Variants in PAWR observed in about 807,000 individuals in gnomAD.
PAWR encodes pro-apoptotic WT1 regulator, also known as PRKC apoptosis WT1 regulator protein.
In PAWR, 23 loss-of-function variants were observed where a neutral mutation model predicts 32.0. That is an observed-to-expected ratio of 0.72 (90% confidence interval 0.52 to 1.02). The LOEUF (loss-of-function observed/expected upper bound fraction) is 1.02, where lower values mean the gene tolerates loss of function less well. Among genes scored for constraint, PAWR ranks in the 50% least tolerant of loss-of-function variants. The pLI, the probability that PAWR is intolerant of heterozygous loss-of-function variation, is 0.00. For synonymous variants in PAWR, 226 were observed against 187.1 expected (o/e 1.21, Z -1.70); for missense variants, 457 against 437.7 (o/e 1.04, Z -0.39).
intron 2 of PAWR, among the ~76,000 whole-genome samples, chr12:79,671,823 C>T (rs1015457333): frequency 5.9e-5 from 9 of 152,092 alleles, no homozygotes; most frequent in Non-Finnish European, 1.0e-4. Flanking sequence ...GTCCTAGTTA[C>T]TTGGGAGGCT....
intron 2 of PAWR, among the ~76,000 whole-genome samples, chr12:79,688,172 T>C (rs969882837): frequency 6.6e-6 from 1 of 151,754 alleles, no homozygotes; most frequent in Non-Finnish European, 1.5e-5. Flanking sequence ...AGATGTTTCT[T>C]AGGATCTCAC....
chr12:79,671,388 C>A (rs1030645377), intron 2 of PAWR, among the ~76,000 whole-genome samples: 1 of 152,164 alleles, frequency 6.6e-6, no homozygotes, highest in Non-Finnish European at 1.5e-5. Context: ...ATATTCTGTA[C>A]TAGAAACATA....
intron 2 of PAWR, among the ~76,000 whole-genome samples, chr12:79,634,127 T>C (rs1237618490): frequency 6.6e-6 from 1 of 152,156 alleles, no homozygotes; most frequent in African/African-American, 2.4e-5. Context: ...ACTAAATAAC[T>C]ATAAGTAAAT....
At chr12:79,607,346 C>CATAT (rs1592496412) in intron 4 of PAWR, among the ~76,000 whole-genome samples, 1 of 152,050 alleles carries the variant, frequency 6.6e-6, no homozygotes, top group Non-Finnish European at 1.5e-5. Flanking sequence ...TAGAAAGGGT[C>CATAT]ATATATAGCC....
chr12:79,619,780 T>C (rs1239837407), intron 3 of PAWR, among the ~76,000 whole-genome samples: 1 of 152,228 alleles, frequency 6.6e-6, no homozygotes, highest in Non-Finnish European at 1.5e-5. Context: ...TTCCTTGCAA[T>C]GGGATGGTTT....
intron 4 of PAWR, among the ~76,000 whole-genome samples, chr12:79,600,418 G>A (rs1008768589): frequency 6.6e-6 from 1 of 151,402 alleles, no homozygotes. Context: ...ATTATTTATG[G>A]GACGAGAAGA....
intron 2 of PAWR, among the ~76,000 whole-genome samples, chr12:79,641,614 C>T (rs1035718372): frequency 4.0e-5 from 6 of 151,752 alleles, no homozygotes; most frequent in African/African-American, 9.7e-5. Context: ...TATGGGAGGC[C>T]GAGGTGGGCG....
chr12:79,639,613 C>A (rs1174544982), intron 2 of PAWR, among the ~76,000 whole-genome samples: 1 of 152,090 alleles, frequency 6.6e-6, no homozygotes, highest in East Asian at 1.9e-4. Context: ...CCCATATATT[C>A]CTCTAAAAAT....
At chr12:79,653,768 T>C (rs1876968385) in intron 2 of PAWR, among the ~76,000 whole-genome samples, 2 of 152,246 alleles carry the variant, frequency 1.3e-5, no homozygotes, top group Admixed American at 1.3e-4. Context: ...CGTGAGCCAC[T>C]GCACCTGCCC....
chr12:79,638,088 T>TATGG (rs932393821), intron 2 of PAWR, among the ~76,000 whole-genome samples: 4 of 152,032 alleles, frequency 2.6e-5, no homozygotes, highest in African/African-American at 9.7e-5. Flanking sequence ...CTCTAATTTT[T>TATGG]ATGGCTCTTT....
At chr12:79,644,232 T>C (rs546007094) in intron 2 of PAWR, among the ~76,000 whole-genome samples, 20 of 152,270 alleles carry the variant, frequency 1.3e-4, no homozygotes, top group African/African-American at 3.6e-4. Flanking sequence ...ACAAGACTTT[T>C]ATAAGAAAGA....
In PAWR at chr12:79,669,738, GGTTT is replaced by G. The variant is rs557840011; in HGVS notation, c.516+19987_516+19990del. On this transcript the variant is annotated intron_variant, in intron 2 of 6. Transcript: ENST00000328827. ...ATTCATTCTTTTTTTTTGTTTGTTG[GGTTT>G]GTTTTTTTAAGACAGTCTCTTGTTC... 1.9e-3 allele frequency among the ~76,000 whole-genome samples: 286 copies of G among 151,388 alleles called. 3 individuals are homozygous for G. Among genetic ancestry groups the G allele is most frequent in the African/African-American group, 6.5e-3 (269 of 41,284 alleles).
intron 4 of PAWR, chr12:79,604,778 A>T: frequency 3.5e-6 from 3 of 861,626 alleles, no homozygotes; most frequent in Non-Finnish European, 4.9e-6. Context: ...ATCAAAATCA[A>T]CTCCCATTAT....
chr12:79,601,722 TAAATA>T lies in PAWR; in HGVS notation c.684-5069_684-5065del, dbSNP rs567848908. On this transcript the variant is annotated intron_variant, in intron 4 of 6. Coordinates refer to ENST00000328827, the MANE Select transcript of PAWR (RefSeq NM_002583.4). ...CAAAAGTTTGTTCTCACAAATATTT[TAAATA>T]AAATATTGAATATGCTTCATTATTT... Among the ~76,000 whole-genome samples, 12 of 152,336 alleles carry T rather than the reference TAAATA, an allele frequency of 7.9e-5. No individual in the cohort carries two copies. The East Asian group carries it at 2.1e-3, about 27-fold the overall frequency.
chr12:79,646,001 T>C (rs1205219780), intron 2 of PAWR, among the ~76,000 whole-genome samples: 1 of 152,232 alleles, frequency 6.6e-6, no homozygotes, highest in Non-Finnish European at 1.5e-5. Flanking sequence ...TTTAAAAGAA[T>C]TATTTTTATA....
At chr12:79,607,796 C>T (rs1157551718) in intron 4 of PAWR, among the ~76,000 whole-genome samples, 1 of 150,592 alleles carries the variant, frequency 6.6e-6, no homozygotes, top group Non-Finnish European at 1.5e-5. Flanking sequence ...GACCCTTGAC[C>T]AACAAACCAA....
intron 2 of PAWR, among the ~76,000 whole-genome samples, chr12:79,633,600 T>A (rs1474601601): frequency 6.6e-6 from 1 of 152,092 alleles, no homozygotes; most frequent in Admixed American, 6.6e-5. Context: ...AAAACAAGCC[T>A]CTGCTGACCA....
At chr12:79,675,283 T>C (rs969956478) in intron 2 of PAWR, among the ~76,000 whole-genome samples, 4 of 151,888 alleles carry the variant, frequency 2.6e-5, no homozygotes, top group Non-Finnish European at 5.9e-5. Context: ...GAGGCTGAGG[T>C]GGGGAGGATC....
intron 2 of PAWR, among the ~76,000 whole-genome samples, chr12:79,625,876 A>G (rs1442127951): frequency 6.6e-6 from 1 of 151,700 alleles, no homozygotes; most frequent in Admixed American, 6.6e-5. Flanking sequence ...ACACAAAAGT[A>G]TATAAGAAAT....
Sources: allele counts gnomAD v4.1 joint callset (sites outside exome capture counted in the v4.1 genomes callset), GRCh38; gene constraint gnomAD v4.1.1; transcripts MANE v1.5; gene names NCBI Gene and HGNC (gene_info 2026-07-23, HGNC 2026-07-21).